PPM1H: variants seen among roughly 807,000 people sequenced by gnomAD.
The protein encoded by PPM1H is protein phosphatase 1H.
PPM1H carries 27 observed loss-of-function variants against 54.9 expected under a neutral mutation model. That is an observed-to-expected ratio of 0.49 (90% CI 0.36 to 0.68). The LOEUF (loss-of-function observed/expected upper bound fraction) is 0.68, where lower values mean the gene tolerates loss of function less well. PPM1H is among the 30% of genes least tolerant of loss of function. The probability of loss-of-function intolerance (pLI) is 0.00; values close to 1 mark genes in which losing one functional copy is unlikely to be tolerated. For missense variants in PPM1H, 596 were observed against 667.8 expected, an observed-to-expected ratio of 0.89 and a Z score of 1.19; for synonymous variants, 305 against 270.8, an observed-to-expected ratio of 1.13 and a Z score of -1.24.
chr12:62,906,874 G>A (rs1174847887), intron 1 of PPM1H, among the ~76,000 whole-genome samples: 1 of 152,188 alleles, frequency 6.6e-6, no homozygotes, highest in East Asian at 1.9e-4. Flanking sequence ...GTAACAACAC[G>A]TTCCTTCTGT....
At chr12:62,713,602 T>TCAGAGGCAC (rs2076219383) in intron 6 of PPM1H, among the ~76,000 whole-genome samples, 1 of 152,104 alleles carries the variant, frequency 6.6e-6, no homozygotes, top group Non-Finnish European at 1.5e-5. Flanking sequence ...GAGTCTGGCA[T>TCAGAGGCAC]CAGAGGCACC....
chr12:62,832,778 A>AC (rs951637739), intron 1 of PPM1H, among the ~76,000 whole-genome samples: 13 of 152,066 alleles, frequency 8.5e-5, no homozygotes, highest in East Asian at 1.9e-4. Flanking sequence ...CTACGGCCAT[A>AC]CCCCCCCATT....
At chr12:62,831,644 C>T (rs183189838) in intron 2 of PPM1H, among the ~76,000 whole-genome samples, 15 of 151,722 alleles carry the variant, frequency 9.9e-5, no homozygotes, top group African/African-American at 1.2e-4. Flanking sequence ...GAGAGGCTTT[C>T]GGACTATTTC....
chr12:62,680,942 T>C (rs1340105242), intron 8 of PPM1H, among the ~76,000 whole-genome samples: 2 of 152,172 alleles, frequency 1.3e-5, no homozygotes, highest in African/African-American at 2.4e-5. Context: ...TATTTGTCTG[T>C]AAGTGGTGCT....
intron 6 of PPM1H, among the ~76,000 whole-genome samples, chr12:62,695,005 A>G (rs1486028429): frequency 6.6e-6 from 1 of 152,208 alleles, no homozygotes; most frequent in Non-Finnish European, 1.5e-5. Context: ...TAGGTGCTAT[A>G]AGTAGATGCT....
chr12:62,678,317 C>G (rs2075999210), intron 8 of PPM1H, among the ~76,000 whole-genome samples: 1 of 152,164 alleles, frequency 6.6e-6, no homozygotes, highest in African/African-American at 2.4e-5. Context: ...AAAGATATAG[C>G]ATATTTAGCT....
At chr12:62,757,767 T>C (rs1481072855) in intron 4 of PPM1H, among the ~76,000 whole-genome samples, 1 of 152,240 alleles carries the variant, frequency 6.6e-6, no homozygotes, top group East Asian at 1.9e-4. Context: ...TCTATGGACT[T>C]ATCCAAATTT....
chr12:62,673,197 G>A (rs1375083055), intron 8 of PPM1H, among the ~76,000 whole-genome samples: 4 of 152,186 alleles, frequency 2.6e-5, no homozygotes, highest in African/African-American at 9.7e-5. Context: ...AATGAGCCAA[G>A]TGCTGACTGC....
intron 1 of PPM1H, among the ~76,000 whole-genome samples, chr12:62,838,085 A>G (rs1351650534): frequency 1.3e-5 from 2 of 152,224 alleles, no homozygotes; most frequent in African/African-American, 4.8e-5. Flanking sequence ...TGGCCTCAGA[A>G]GCACAGGTCT....
intron 1 of PPM1H, among the ~76,000 whole-genome samples, chr12:62,927,747 C>T (rs1872018267): frequency 6.6e-6 from 1 of 151,204 alleles, no homozygotes; most frequent in African/African-American, 2.4e-5. Context: ...GTGAAGGAGA[C>T]ATGTTATAAG....
intron 1 of PPM1H, among the ~76,000 whole-genome samples, chr12:62,918,890 A>C (rs937071308): frequency 3.9e-5 from 6 of 152,230 alleles, no homozygotes; most frequent in African/African-American, 1.4e-4. Flanking sequence ...CACACAAATT[A>C]TCAATCGAAG....
chr12:62,820,404 C>A (rs1317793304), intron 2 of PPM1H, among the ~76,000 whole-genome samples: 2 of 152,202 alleles, frequency 1.3e-5, no homozygotes, highest in Non-Finnish European at 2.9e-5. Context: ...GTTCTCCCAG[C>A]ACAGAGTTTG....
chr12:62,780,474 C>T (rs1399637009), intron 4 of PPM1H, among the ~76,000 whole-genome samples: 1 of 152,134 alleles, frequency 6.6e-6, no homozygotes, highest in African/African-American at 2.4e-5. Flanking sequence ...CTAATTGAAA[C>T]AAAAATTTGT....
rs373868083 is a variant in PPM1H at position 62,829,456 on chromosome 12, C to T, written c.411+2658G>A. 1.6e-4 allele frequency among the ~76,000 whole-genome samples: 25 copies of T among 152,212 alleles called. 1 individual carries two copies. Among genetic ancestry groups the T allele is most frequent in the African/African-American group, 5.1e-4 (21 of 41,524 alleles). ...ATGGTTGTACAAACATGTGAATATACGTAATGCCACTGAACTATATGCCTA... is the reference window on the plus strand; with the variant it reads ...ATGGTTGTACAAACATGTGAATATATGTAATGCCACTGAACTATATGCCTA... On this transcript the variant is annotated intron_variant, in intron 2 of 9. Coordinates refer to ENST00000228705, the MANE Select transcript of PPM1H (RefSeq NM_020700.2).
intron 1 of PPM1H, among the ~76,000 whole-genome samples, chr12:62,858,483 T>G (rs2120960980): frequency 6.6e-6 from 1 of 152,276 alleles, no homozygotes; most frequent in South Asian, 2.1e-4. Context: ...CATAAATAAC[T>G]CTACAGGTTT....
intron 4 of PPM1H, among the ~76,000 whole-genome samples, chr12:62,773,529 A>G (rs1481181945): frequency 6.6e-6 from 1 of 152,182 alleles, no homozygotes; most frequent in African/African-American, 2.4e-5. Context: ...GAAAGAATCC[A>G]CTTCTCACAT....
chr12:62,892,087 T>C (rs1411566133), intron 1 of PPM1H, among the ~76,000 whole-genome samples: 1 of 152,196 alleles, frequency 6.6e-6, no homozygotes, highest in African/African-American at 2.4e-5. Context: ...ATGCCTTTGA[T>C]CTCTGTAGTA....
At chr12:62,836,675 C>T (rs1868512294) in intron 1 of PPM1H, among the ~76,000 whole-genome samples, 1 of 152,024 alleles carries the variant, frequency 6.6e-6, no homozygotes, top group Non-Finnish European at 1.5e-5. Flanking sequence ...CATAATTAAA[C>T]ACATGGGTAA....
chr12:62,697,528 T>A (rs2076121264), intron 6 of PPM1H, among the ~76,000 whole-genome samples: 1 of 152,084 alleles, frequency 6.6e-6, no homozygotes, highest in East Asian at 1.9e-4. Flanking sequence ...CCATCTAAGT[T>A]CTGGCCCACT....
Sources: gnomAD v4.1 joint callset for allele counts (sites outside exome capture counted in the v4.1 genomes callset) on GRCh38, gnomAD v4.1.1 for gene constraint, MANE v1.5 for transcripts, NCBI Gene and HGNC (gene_info 2026-07-23, HGNC 2026-07-21) for gene names.